The following TENM1 variants were observed in gnomAD, a reference collection of about 807,000 sequenced individuals.
The protein encoded by TENM1 is teneurin-1.
In TENM1, 35 loss-of-function variants were observed where a neutral mutation model predicts 174.8. That is an observed-to-expected ratio of 0.20 (90% CI 0.15 to 0.27). The LOEUF (loss-of-function observed/expected upper bound fraction) is 0.27, where lower values mean the gene tolerates loss of function less well. Among genes scored for constraint, TENM1 ranks in the 10% least tolerant of loss-of-function variants. The pLI is 1.00. For synonymous variants in TENM1, 781 were observed against 798.7 expected (o/e 0.98, Z 0.37); for missense variants, 1,633 against 2,130.1 (o/e 0.77, Z 4.59).
At chrX:125,076,897 A>AT in the TENM1 span, among the ~76,000 whole-genome samples, 1 of 108,678 alleles carries the variant, frequency 9.2e-6, no homozygotes, top group Non-Finnish European at 1.9e-5. Context: ...ACATTTCAAA[A>AT]TTTTTTTTTT....
intron 27 of TENM1, among the ~76,000 whole-genome samples, chrX:124,398,157 G>C (rs1014113018): frequency 3.7e-5 from 4 of 108,612 alleles, no homozygotes; most frequent in African/African-American, 1.3e-4. Context: ...GAACAGAGGA[G>C]ACGGAGCTTG....
chrX:124,913,879 AAAT>A (rs2057877457), intron 1 of TENM1, among the ~76,000 whole-genome samples: 1 of 111,945 alleles, frequency 8.9e-6, no homozygotes, highest in Admixed American at 9.5e-5. Context: ...CAGCAACAAC[AAAT>A]AATGGTTATT....
At chrX:125,054,354 G>A in the TENM1 span, among the ~76,000 whole-genome samples, 1 of 110,123 alleles carries the variant, frequency 9.1e-6, no homozygotes, top group South Asian at 4.0e-4. Flanking sequence ...GCAGAACTGT[G>A]AGCTAATTAA....
chrX:124,869,400 A>G (rs2057067695), intron 3 of TENM1, among the ~76,000 whole-genome samples: 1 of 111,781 alleles, frequency 8.9e-6, no homozygotes, highest in Non-Finnish European at 1.9e-5. Flanking sequence ...GATTCTTCAA[A>G]AACCTAAAAA....
At chrX:125,073,212 G>A in the TENM1 span, among the ~76,000 whole-genome samples, 2 of 111,379 alleles carry the variant, frequency 1.8e-5, no homozygotes, top group African/African-American at 3.3e-5. Context: ...CAAGCAATAT[G>A]AAGAAAATGC....
chrX:124,449,130 C>G (rs763054459), intron 23 of TENM1, among the ~76,000 whole-genome samples: 47 of 111,708 alleles, frequency 4.2e-4, no homozygotes, highest in Non-Finnish European at 7.5e-4. Context: ...TGCTTTCTTT[C>G]CTGGTAAATC....
At chrX:124,881,720 TTGTTG>T (rs2057306804) in intron 3 of TENM1, among the ~76,000 whole-genome samples, 1 of 109,206 alleles carries the variant, frequency 9.2e-6, no homozygotes, top group African/African-American at 3.4e-5. Context: ...GTTGTTGTTG[TTGTTG>T]TTTTGTTTTG....
chrX:124,574,206 A>G (rs755650913), intron 11 of TENM1, among the ~76,000 whole-genome samples: 1 of 111,933 alleles, frequency 8.9e-6, no homozygotes, highest in East Asian at 2.8e-4. Flanking sequence ...ATACAACTGG[A>G]ACACTTCTTT....
At chrX:124,559,042 C>T (rs1246947846) in intron 14 of TENM1, among the ~76,000 whole-genome samples, 2 of 111,493 alleles carry the variant, frequency 1.8e-5, no homozygotes, top group African/African-American at 6.5e-5. Context: ...ATTCTTTAAA[C>T]ATTTTGGCTG....
At chrX:124,456,961 T>C (rs2061114813) in intron 22 of TENM1, among the ~76,000 whole-genome samples, 1 of 111,922 alleles carries the variant, frequency 8.9e-6, no homozygotes, top group Non-Finnish European at 1.9e-5. Context: ...AGATTTAAAC[T>C]GTACTAAGAA....
At chrX:124,472,143 AT>A (rs1401855155) in intron 22 of TENM1, among the ~76,000 whole-genome samples, 2 of 107,471 alleles carry the variant, frequency 1.9e-5, no homozygotes, top group Non-Finnish European at 3.8e-5. Context: ...CCCAGTTCTG[AT>A]TAGGGAAGAG....
At chrX:124,991,821 G>A in the TENM1 span, among the ~76,000 whole-genome samples, 1 of 111,152 alleles carries the variant, frequency 9.0e-6, no homozygotes, top group Admixed American at 9.6e-5. Context: ...TGACTCAATT[G>A]TCTGACATCA....
chrX:125,173,188 C>A, the TENM1 span, among the ~76,000 whole-genome samples: 1 of 111,391 alleles, frequency 9.0e-6, no homozygotes, highest in Non-Finnish European at 1.9e-5. Context: ...TTCACCCTAT[C>A]AATATAATTT....
At chrX:124,749,597 G>T (rs1008735188) in intron 3 of TENM1, among the ~76,000 whole-genome samples, 34 of 112,135 alleles carry the variant, frequency 3.0e-4, no homozygotes, top group African/African-American at 1.1e-3. Flanking sequence ...GTGGATAACC[G>T]TTTGAAGTGT....
At chrX:124,432,751 T>C (rs2060794707) in intron 23 of TENM1, among the ~76,000 whole-genome samples, 1 of 111,867 alleles carries the variant, frequency 8.9e-6, no homozygotes, top group African/African-American at 3.3e-5. Context: ...TCTGAGTACA[T>C]TGCTGTTTAG....
At chrX:125,171,270 A>G in the TENM1 span, among the ~76,000 whole-genome samples, 20 of 107,968 alleles carry the variant, frequency 1.9e-4, no homozygotes, top group African/African-American at 6.4e-4. Flanking sequence ...AAAGGTCCAG[A>G]AAAAAAAAAT....
At chrX:125,127,196 T>C in the TENM1 span, among the ~76,000 whole-genome samples, 6 of 111,599 alleles carry the variant, frequency 5.4e-5, no homozygotes, top group East Asian at 1.7e-3. Flanking sequence ...CTCTCTTCAA[T>C]ATAAGCAGGA....
intron 5 of TENM1, among the ~76,000 whole-genome samples, chrX:124,677,589 G>C (rs949249934): frequency 1.9e-4 from 21 of 111,505 alleles, no homozygotes; most frequent in African/African-American, 5.8e-4. Context: ...AAGGAAATTC[G>C]CCATTGCATT....
chrX:124,986,870 G>C, the TENM1 span, among the ~76,000 whole-genome samples: 1 of 111,693 alleles, frequency 9.0e-6, no homozygotes, highest in South Asian at 3.8e-4. Context: ...TTGAAATCCT[G>C]ACCTAAGGTG....
Sources: allele counts gnomAD v4.1 joint callset (sites outside exome capture counted in the v4.1 genomes callset), GRCh38; gene constraint gnomAD v4.1.1; transcripts MANE v1.5; gene names NCBI Gene and HGNC (gene_info 2026-07-23, HGNC 2026-07-21).